SDE2: variants seen among roughly 807,000 people sequenced by gnomAD.
SDE2 encodes the protein spliceosome associated SDE2.
In SDE2, 31 loss-of-function variants were observed where a neutral mutation model predicts 46.9. That is an observed-to-expected ratio of 0.66 (90% confidence interval 0.50 to 0.89). The LOEUF (loss-of-function observed/expected upper bound fraction) is 0.89. Among genes scored for constraint, SDE2 ranks in the 40% least tolerant of loss-of-function variants. The pLI, the probability that SDE2 is intolerant of heterozygous loss-of-function variation, is 0.00. For missense variants in SDE2, 542 were observed against 564.4 expected (o/e 0.96, Z 0.40); for synonymous variants, 205 against 204.3 (o/e 1.00, Z -0.03).
At position 225,999,308 on chromosome 1, in the gene SDE2, G is replaced by C. The variant is rs376444841; in HGVS notation, c.5C>G (p.Ala2Gly). 2.5e-6 allele frequency: 4 copies of C among 1,611,000 alleles called. No homozygotes were observed. In the South Asian group the frequency reaches 3.3e-5, roughly 13 times the overall value. ...AATCCACACCAGCGCCGCGGCCTCC[G>C]CCATGTCACCGACTACCCGAACCTC... The part of the protein sequence containing the change: M[A>G]EAAALVWIRG... Residue 2 changes from alanine to glycine, a missense_variant, in exon 1 of 7, where the codon GCG becomes GGG. Ala to Gly is a moderately conservative substitution (Grantham distance 60). Transcript: ENST00000272091.
chr1:225,989,389 G>A (rs1401320373), intron 5 of SDE2, among the ~76,000 whole-genome samples: 1 of 151,740 alleles, frequency 6.6e-6, no homozygotes, highest in Non-Finnish European at 1.5e-5. Context: ...AGCACTTTGG[G>A]AGGTTGAGGT....
chr1:225,989,665 C>T (rs1442759575), intron 5 of SDE2, among the ~76,000 whole-genome samples: 1 of 151,642 alleles, frequency 6.6e-6, no homozygotes, highest in African/African-American at 2.4e-5. Flanking sequence ...TATTCGGTGC[C>T]GCCCCTTGAT....
At chr1:225,997,704 T>C (rs1265083163) in intron 1 of SDE2, among the ~76,000 whole-genome samples, 1 of 152,214 alleles carries the variant, frequency 6.6e-6, no homozygotes, top group African/African-American at 2.4e-5. Context: ...GTGTTGGAAT[T>C]ACAGGCGTGA....
At chr1:225,991,808 G>A (rs940091370) in intron 4 of SDE2, among the ~76,000 whole-genome samples, 1 of 152,176 alleles carries the variant, frequency 6.6e-6, no homozygotes, top group African/African-American at 2.4e-5. Flanking sequence ...CTTAAAACTG[G>A]CAGCAAATTC....
intron 4 of SDE2, 78 bp downstream of exon 4, chr1:225,992,318 CTT>C: frequency 3.0e-6 from 3 of 988,468 alleles, no homozygotes; most frequent in Non-Finnish European, 4.5e-6. Flanking sequence ...AAGAACTGCT[CTT>C]TGTGCGTAGT....
intron 4 of SDE2, among the ~76,000 whole-genome samples, chr1:225,991,675 G>T (rs1263688294): frequency 1.3e-5 from 2 of 152,038 alleles, no homozygotes; most frequent in African/African-American, 4.8e-5. Context: ...TCTTTTTCCT[G>T]TTATGTCATA....
intron 2 of SDE2, among the ~76,000 whole-genome samples, chr1:225,994,022 G>C (rs1257956710): frequency 4.0e-5 from 6 of 150,974 alleles, no homozygotes. Context: ...TCCCACCTTG[G>C]ACTCTCAAAG....
intron 1 of SDE2, among the ~76,000 whole-genome samples, chr1:225,998,921 GAAAC>G (rs533333543): frequency 4.2e-4 from 64 of 152,122 alleles, no homozygotes; most frequent in African/African-American, 1.4e-3. Context: ...TAAAGAAAGA[GAAAC>G]AAAGTATTTG....
chr1:225,995,672 G>A (rs1656506645), intron 1 of SDE2, among the ~76,000 whole-genome samples: 1 of 152,132 alleles, frequency 6.6e-6, no homozygotes. Context: ...CTGAGTCAAG[G>A]TAGAAGACTA....
intron 5 of SDE2, among the ~76,000 whole-genome samples, chr1:225,990,125 T>G (rs930991827): frequency 6.7e-6 from 1 of 150,076 alleles, no homozygotes; most frequent in Non-Finnish European, 1.5e-5. Flanking sequence ...TTATTAATAA[T>G]TACTCAAACC....
chr1:225,987,866 C>T, intron 6 of SDE2, 30 bp downstream of exon 6: 1 of 1,578,046 alleles, frequency 6.3e-7, no homozygotes, highest in Non-Finnish European at 8.6e-7. Flanking sequence ...ACTGATTTGG[C>T]TCTAGGTATC....
At position 225,983,262 on chromosome 1, in the gene SDE2, ATAAAG is replaced by A. The variant is rs1231020623; in HGVS notation, c.*2035_*2039del. The A allele has an allele frequency of 6.6e-6, 1 of 152,200 alleles. No homozygotes were observed. Among genetic ancestry groups the A allele is most frequent in the African/African-American group, 2.4e-5 (1 of 41,456 alleles). The allele number at this position is 152,200 out of a possible 1,614,324, so 9.4% of individuals were successfully genotyped here. ...GCTGCAGTGGCTATATTCACATAAG[ATAAAG>A]TAGATTTCAAACCCAAATTACCAGA... On this transcript the variant is annotated 3_prime_UTR_variant, in exon 7 of 7. Transcript: ENST00000272091.
intron 1 of SDE2, among the ~76,000 whole-genome samples, chr1:225,996,799 C>T (rs1656537663): frequency 6.6e-6 from 1 of 152,144 alleles, no homozygotes; most frequent in South Asian, 2.1e-4. Flanking sequence ...TAAAAAGGTT[C>T]AAAATAAAGC....
rs1488244722 is a variant in SDE2, at chr1:225,984,355, T to A, written c.*947A>T. 6.6e-6 allele frequency: 1 copy of A among 152,114 alleles called. No homozygotes were observed. The highest frequency in any genetic ancestry group is 1.5e-5 in the Non-Finnish European group (1 of 68,026). 9.4% of individuals were successfully genotyped at this position (152,114 alleles called of 1,614,324 possible). On this transcript the variant is annotated 3_prime_UTR_variant, in exon 7 of 7. Coordinates refer to ENST00000272091, the MANE Select transcript of SDE2 (RefSeq NM_152608.4). ...TTAAAAGAAAATGTATAGCTTTAAA[T>A]ATGTATTTTAAATAACGTCTAAGAT... is the stretch of plus-strand genomic sequence containing the variant.
At position 225,985,105 on chromosome 1, in the gene SDE2, C is replaced by G. The variant is rs1277019278; in HGVS notation, c.*197G>C. On this transcript the variant is annotated 3_prime_UTR_variant, in exon 7 of 7. Coordinates refer to ENST00000272091, the MANE Select transcript of SDE2 (RefSeq NM_152608.4). Reference sequence around the variant, plus strand: ...TATTTATTAAATACACTATAGAAAACCAGACAAAGAAAATTTAAGGCCCAG... The same window carrying G: ...TATTTATTAAATACACTATAGAAAAGCAGACAAAGAAAATTTAAGGCCCAG... 1.7e-6 allele frequency: 1 copy of G among 582,370 alleles called. No homozygotes were observed. The highest frequency in any genetic ancestry group is 3.0e-6 in the Non-Finnish European group (1 of 329,484). 36.1% of individuals were successfully genotyped at this position (582,370 alleles called of 1,614,324 possible). A position where few individuals can be genotyped will look rare whatever the true frequency, so the allele number is the denominator to read the frequency against.
intron 2 of SDE2, 45 bp downstream of exon 2, chr1:225,995,221 G>T: frequency 1.1e-6 from 1 of 928,384 alleles, no homozygotes; most frequent in Non-Finnish European, 1.7e-6. Context: ...AATGAATAAA[G>T]ACTGCAAATG....
intron 5 of SDE2, among the ~76,000 whole-genome samples, chr1:225,990,490 T>C (rs1656374643): frequency 1.3e-5 from 2 of 152,150 alleles, no homozygotes; most frequent in African/African-American, 2.4e-5. Flanking sequence ...ATAGTACATA[T>C]ACATTTTTCA....
At position 225,983,881 on chromosome 1, in the gene SDE2, C is replaced by A. The variant is rs1470087837; in HGVS notation, c.*1421G>T. ...AAGAAGATATTAAGAGGAAAAAAAA[C>A]AAATGTTTGCTGATCAGACAACCCA... On this transcript the variant is annotated 3_prime_UTR_variant, in exon 7 of 7. Coordinates refer to ENST00000272091, the MANE Select transcript of SDE2 (RefSeq NM_152608.4). 1 of 152,002 alleles carries A rather than the reference C, an allele frequency of 6.6e-6. No homozygotes were observed. The highest frequency in any genetic ancestry group is 1.5e-5 in the Non-Finnish European group (1 of 67,994). The allele number at this position is 152,002 out of a possible 1,614,324, so 9.4% of individuals were successfully genotyped here.
intron 5 of SDE2, among the ~76,000 whole-genome samples, chr1:225,988,827 T>C (rs760052648): frequency 1.3e-5 from 2 of 152,212 alleles, no homozygotes; most frequent in East Asian, 3.8e-4. Context: ...CGGAAAAAGA[T>C]ATTCTAGAGC....
Sources: gnomAD v4.1 joint callset for allele counts (sites outside exome capture counted in the v4.1 genomes callset) on GRCh38, gnomAD v4.1.1 for gene constraint, MANE v1.5 for transcripts, NCBI Gene and HGNC (gene_info 2026-07-23, HGNC 2026-07-21) for gene names.